The following IKZF4 variants were observed in gnomAD, a reference collection of about 807,000 sequenced individuals.
IKZF4 encodes the protein IKAROS family zinc finger 4, also known as zinc finger protein Eos.
In IKZF4, 11 loss-of-function variants were observed where a neutral mutation model predicts 47.7. That is an observed-to-expected ratio of 0.23 (90% CI 0.15 to 0.38). The LOEUF (loss-of-function observed/expected upper bound fraction) is 0.38. IKZF4 is among the 10% of genes least tolerant of loss of function. The pLI is 1.00. For missense variants in IKZF4, 557 were observed against 784.9 expected (o/e 0.71, Z 3.47); for synonymous variants, 298 against 299.4 (o/e 1.00, Z 0.05).
At chr12:56,032,520 G>T in intron 5 of IKZF4, 41 bp from the exon 6 acceptor site, 1 of 1,570,522 alleles carries the variant, frequency 6.4e-7, no homozygotes, top group South Asian at 1.2e-5. Flanking sequence ...AGGGCACAGC[G>T]AGAAATAGCT....
upstream of IKZF4, chr12:56,018,009 G>A: frequency 3.5e-6 from 2 of 573,770 alleles, no homozygotes; most frequent in African/African-American, 1.9e-5. Context: ...CTTTAGGATA[G>A]TATCAGACCA....
intron 5 of IKZF4, chr12:56,029,688 T>C (rs1894596473): frequency 6.6e-6 from 1 of 152,216 alleles, no homozygotes; most frequent in Admixed American, 6.5e-5. Context: ...AGCATTTCAC[T>C]TGTGTTTCTC....
intron 7 of IKZF4, among the ~76,000 whole-genome samples, chr12:56,033,535 CT>C (rs1895204594): frequency 6.6e-6 from 1 of 152,126 alleles, no homozygotes; most frequent in South Asian, 2.1e-4. Context: ...GTGAAACCCC[CT>C]CTCTACTAAA....
At chr12:56,018,721 G>A (rs1892458737), upstream of IKZF4, among the ~76,000 whole-genome samples, 1 of 151,250 alleles carries the variant, frequency 6.6e-6, no homozygotes, top group Non-Finnish European at 1.5e-5. Context: ...TGTGTATCTA[G>A]TGTGGCCAAA....
chr12:56,023,332 T>G (rs1483602663), intron 1 of IKZF4, among the ~76,000 whole-genome samples: 1 of 152,224 alleles, frequency 6.6e-6, no homozygotes, highest in Non-Finnish European at 1.5e-5. Context: ...AGATAACATT[T>G]TCAGCCCTTT....
Position 56,023,839 on chromosome 12 carries a change from C to G in IKZF4, c.181+75C>G, listed in dbSNP as rs965304200. 6.4e-6 allele frequency: 10 copies of G among 1,557,480 alleles called. No homozygotes were observed. In the South Asian group the frequency reaches 9.5e-5, roughly 15 times the overall value. ...TTCAGGGATGAATTTTAGGCTTCCTCTCTCTTTCTTGCACTCTCCCTTGCT... is the reference window on the plus strand; with the variant it reads ...TTCAGGGATGAATTTTAGGCTTCCTGTCTCTTTCTTGCACTCTCCCTTGCT... On this transcript the variant is annotated intron_variant, in intron 2 of 7. Transcript: ENST00000547167.
upstream of IKZF4, among the ~76,000 whole-genome samples, chr12:56,016,358 C>T (rs1363914738): frequency 1.3e-5 from 2 of 151,984 alleles, no homozygotes; most frequent in Non-Finnish European, 2.9e-5. Flanking sequence ...TTGCTTCTGC[C>T]TCTGCCTCAG....
upstream of IKZF4, among the ~76,000 whole-genome samples, chr12:56,016,441 T>G (rs1892073860): frequency 1.4e-5 from 2 of 146,224 alleles, no homozygotes; most frequent in Non-Finnish European, 1.5e-5. Context: ...TTTTTTTTTG[T>G]GACCGGGTCT....
At chr12:56,024,914 C>A in intron 2 of IKZF4, 140 bp from the exon 3 acceptor site, 1 of 1,509,054 alleles carries the variant, frequency 6.6e-7, no homozygotes, top group Non-Finnish European at 8.8e-7. Context: ...AGGTATGGTG[C>A]CCAGCATACA....
At chr12:56,033,460 C>CTGGG in intron 7 of IKZF4, 139 bp downstream of exon 7, 1 of 1,087,340 alleles carries the variant, frequency 9.2e-7, no homozygotes, top group Non-Finnish European at 1.3e-6. Context: ...GTAATCCCAG[C>CTGGG]ACTTTGGGAG....
At position 56,035,083 on chromosome 12, in the gene IKZF4, G is replaced by C. The variant is rs1354946190; in HGVS notation, c.1510G>C (p.Gly504Arg). The C allele has an allele frequency of 1.2e-6, 2 of 1,600,586 alleles. No homozygotes were observed. Among genetic ancestry groups the C allele is most frequent in the Non-Finnish European group, 1.7e-6 (2 of 1,172,834 alleles). ...YAKEDPKPQEGLLRGTPGPSK... is the reference protein window; with the variant it reads ...YAKEDPKPQERLLRGTPGPSK... ...CAAAGAGGACCCCAAGCCACAGGAG[G>C]GGTTATTGCGGGGCACCCCAGGCCC... The change falls in exon 8 of 8, where the codon GGG becomes CGG. Residue 504 changes from glycine (G) to arginine (R), a missense_variant. Gly to Arg is a moderately radical substitution (Grantham distance 125, BLOSUM62 -2). Transcript: ENST00000547167. The surrounding 1 kb of genome is among the most constrained non-coding windows in gnomAD (Gnocchi z 6.1).
At chr12:56,020,904 T>G, upstream of IKZF4, 1 of 991,222 alleles carries the variant, frequency 1.0e-6, no homozygotes, top group Non-Finnish European at 1.2e-6. Flanking sequence ...CTGAGAGCCT[T>G]GAAGCTGTCC....
At position 56,007,735 on chromosome 12, in the gene IKZF4, G is replaced by A. The variant is rs1188554968; in HGVS notation, c.-292+1G>A. 6.6e-6 allele frequency: 1 copy of A among 152,164 alleles called. No individual in the cohort carries two copies. The highest frequency in any genetic ancestry group is 2.4e-5 in the African/African-American group (1 of 41,372). The allele number at this position is 152,164 out of a possible 1,614,324, so 9.4% of individuals were successfully genotyped here. ...CTGCGCGCGCGCGGAGACACCTCAGGTGAGTGAGGGGCGGGGCTTGGTGGG... is the reference window on the plus strand; with the variant it reads ...CTGCGCGCGCGCGGAGACACCTCAGATGAGTGAGGGGCGGGGCTTGGTGGG... On this transcript the variant is annotated splice_donor_variant, in intron 1 of 11. Transcript: ENST00000262032. LOFTEE classifies it low-confidence loss of function (5UTR_SPLICE).
chr12:56,021,018 C>T, upstream of IKZF4: 1 of 956,828 alleles, frequency 1.0e-6, no homozygotes, highest in Non-Finnish European at 1.3e-6. Context: ...GCAGGCCCAT[C>T]CATCTCTCTC....
chr12:56,033,626 G>T (rs751233275), intron 7 of IKZF4, among the ~76,000 whole-genome samples: 28 of 152,098 alleles, frequency 1.8e-4, no homozygotes, highest in Non-Finnish European at 3.7e-4. Context: ...AGAATGGTGT[G>T]AACCTGGGAG....
At chr12:56,031,788 A>G (rs1200920953) in intron 5 of IKZF4, among the ~76,000 whole-genome samples, 1 of 152,180 alleles carries the variant, frequency 6.6e-6, no homozygotes, top group African/African-American at 2.4e-5. Flanking sequence ...AGACCTTTAT[A>G]ACCTGTTCCT....
At chr12:56,032,298 C>T (rs1895024527) in intron 5 of IKZF4, 1 of 413,648 alleles carries the variant, frequency 2.4e-6, no homozygotes, top group Non-Finnish European at 4.4e-6. Flanking sequence ...ATTTGGCCAT[C>T]TTGAACAAAC....
intron 2 of IKZF4, among the ~76,000 whole-genome samples, chr12:56,012,476 T>C (rs1303777813): frequency 2.0e-5 from 3 of 152,082 alleles, no homozygotes; most frequent in Admixed American, 6.6e-5. Context: ...GTTTCTCCAT[T>C]TGGTCAGGCT....
Position 56,014,167 on chromosome 12 carries a change from AAAAAG to A in IKZF4, c.-214+2687_-214+2691del, listed in dbSNP as rs1205128681. On this transcript the variant is annotated intron_variant, in intron 2 of 11. Transcript: ENST00000262032. Reference sequence around the variant, plus strand: ...CGAGACTCCGTCTCAAAAAAAAAAAAAAAAGAAAAGAAAAGAAACAAACAAACAAA... The same window carrying A: ...CGAGACTCCGTCTCAAAAAAAAAAAAAAAAGAAAAGAAACAAACAAACAAA... Among the ~76,000 whole-genome samples the A allele has an allele frequency of 6.4e-4, 97 of 151,288 alleles. 1 individual carries two copies. The highest frequency in any genetic ancestry group is 1.9e-3 in the African/African-American group (77 of 40,746).
Sources: gnomAD v4.1 joint callset for allele counts (sites outside exome capture counted in the v4.1 genomes callset) on GRCh38, gnomAD v4.1.1 for gene constraint, Gnocchi (gnomAD v3.1) non-coding constraint, MANE v1.5 for transcripts, NCBI Gene and HGNC (gene_info 2026-07-23, HGNC 2026-07-21) for gene names.